ZDHHC15: variants seen among roughly 807,000 people sequenced by gnomAD.
The protein encoded by ZDHHC15 is palmitoyltransferase ZDHHC15.
In ZDHHC15, 19 loss-of-function variants were observed where a neutral mutation model predicts 31.7. That is an observed-to-expected ratio of 0.60 (90% confidence interval 0.42 to 0.88). The LOEUF is 0.88. Ranked by LOEUF, ZDHHC15 falls within the 40% of genes least tolerant of loss-of-function variation. ZDHHC15 has a pLI of 0.00. For missense variants in ZDHHC15, 209 were observed against 251.2 expected (o/e 0.83, Z 1.14); for synonymous variants, 103 against 90.0 (o/e 1.14, Z -0.82).
intron 2 of ZDHHC15, among the ~76,000 whole-genome samples, chrX:75,479,691 T>C (rs1462689299): frequency 9.0e-6 from 1 of 111,335 alleles, no homozygotes; most frequent in Non-Finnish European, 1.9e-5. Context: ...GTCTCTATTA[T>C]CTATCATTCC....
rs1331235171 is a variant in ZDHHC15 at position 75,372,912 on chromosome X, C to A, written c.*66G>T. 2 of 111,911 alleles carry A rather than the reference C, an allele frequency of 1.8e-5. No homozygotes were observed. Among genetic ancestry groups the A allele is most frequent in the Non-Finnish European group, 3.8e-5 (2 of 53,153 alleles). 9.2% of individuals were successfully genotyped at this position (111,911 alleles called of 1,213,427 possible). The stretch of plus-strand genomic sequence containing the variant: ...TTACAATGATTTCCAACATTGAACT[C>A]TGTAAGCCTCATGGGAGGCAGAGAT... On this transcript the variant is annotated 3_prime_UTR_variant, in exon 12 of 12. Coordinates refer to ENST00000373367, the MANE Select transcript of ZDHHC15 (RefSeq NM_144969.3).
rs560774332 is a variant in ZDHHC15, at chrX:75,461,888, C to A, written c.259-10966G>T. Among the ~76,000 whole-genome samples, 9 of 111,825 alleles carry A rather than the reference C, an allele frequency of 8.0e-5. No homozygotes were observed. In the South Asian group the frequency reaches 3.4e-3, roughly 42 times the overall value. ...CCACATAAACAAGTCTGCAAAATAG[C>A]CAGCTAGCATCATGATGACAGGATC... On this transcript the variant is annotated intron_variant, in intron 3 of 11. Transcript: ENST00000373367.
At chrX:75,424,383 G>A (rs1473710835) in intron 8 of ZDHHC15, among the ~76,000 whole-genome samples, 2 of 111,336 alleles carry the variant, frequency 1.8e-5, no homozygotes, top group East Asian at 5.6e-4. Context: ...AACCTTGGGA[G>A]CTATTACCCA....
chrX:75,408,310 A>T (rs1381476302), intron 10 of ZDHHC15, among the ~76,000 whole-genome samples: 1 of 112,074 alleles, frequency 8.9e-6, no homozygotes. Context: ...ACACAAATCA[A>T]TAAATTTGAT....
chrX:75,430,032 A>G, intron 5 of ZDHHC15, 52 bp from the exon 6 acceptor site: 1 of 1,139,415 alleles, frequency 8.8e-7, no homozygotes, highest in Non-Finnish European at 1.2e-6. Context: ...GAAATGAAGC[A>G]ACATCTCATA....
At chrX:75,478,451 C>G (rs773876535) in intron 3 of ZDHHC15, among the ~76,000 whole-genome samples, 4 of 111,375 alleles carry the variant, frequency 3.6e-5, no homozygotes, top group Non-Finnish European at 7.5e-5. Flanking sequence ...GGCACCATCA[C>G]AGGTCACCGC....
chrX:75,382,190 AC>A (rs1042881371), intron 10 of ZDHHC15, among the ~76,000 whole-genome samples: 1 of 111,910 alleles, frequency 8.9e-6, no homozygotes, highest in Non-Finnish European at 1.9e-5. Context: ...CCATTTATTT[AC>A]CTCTATGTCC....
At chrX:75,462,252 C>A (rs1345707240) in intron 3 of ZDHHC15, among the ~76,000 whole-genome samples, 1 of 112,253 alleles carries the variant, frequency 8.9e-6, no homozygotes. Context: ...GCACCAAATT[C>A]AGGAGCACCC....
chrX:75,379,236 G>T lies in ZDHHC15; in HGVS notation c.968-38C>A, dbSNP rs369816894. 5 of 1,197,965 alleles carry T rather than the reference G, an allele frequency of 4.2e-6. No homozygotes were observed. The East Asian group carries it at 1.5e-4, about 36-fold the overall frequency. On this transcript the variant is annotated intron_variant, in intron 10 of 11. Coordinates refer to ENST00000373367, the MANE Select transcript of ZDHHC15 (RefSeq NM_144969.3). ...AACGTGAAGATGATCAAATGTCCCCGTGCCTTATATGGGTGGGTATTCATT... is the reference window on the plus strand; with the variant it reads ...AACGTGAAGATGATCAAATGTCCCCTTGCCTTATATGGGTGGGTATTCATT...
intron 10 of ZDHHC15, among the ~76,000 whole-genome samples, chrX:75,405,416 T>C (rs2083401109): frequency 9.0e-6 from 1 of 111,492 alleles, no homozygotes; most frequent in Admixed American, 9.6e-5. Flanking sequence ...CCTAACTATG[T>C]TGCCTACAAG....
intron 1 of ZDHHC15, among the ~76,000 whole-genome samples, chrX:75,510,680 C>T (rs1320710752): frequency 5.8e-5 from 5 of 85,753 alleles, no homozygotes; most frequent in Non-Finnish European, 8.9e-5. Flanking sequence ...CACCCACTAA[C>T]GTGTCATCTA....
intron 2 of ZDHHC15, among the ~76,000 whole-genome samples, chrX:75,482,966 T>C (rs1409862751): frequency 1.9e-5 from 2 of 107,000 alleles, no homozygotes; most frequent in Non-Finnish European, 3.8e-5. Flanking sequence ...TAAGTGTATA[T>C]ATATGATCAC....
chrX:75,422,940 T>A (rs1382597415), intron 8 of ZDHHC15, among the ~76,000 whole-genome samples: 1 of 94,401 alleles, frequency 1.1e-5, no homozygotes, highest in African/African-American at 3.9e-5. Flanking sequence ...TATCTCCCAA[T>A]GCTATCCCTC....
chrX:75,518,769 G>GTATATATGTATATATATATATATA, intron 1 of ZDHHC15, among the ~76,000 whole-genome samples: 1 of 32,582 alleles, frequency 3.1e-5, no homozygotes, highest in African/African-American at 1.8e-4. Flanking sequence ...TAACAAACTG[G>GTATATATGTATATATATATATATA]TATATATATA....
intron 8 of ZDHHC15, among the ~76,000 whole-genome samples, chrX:75,423,209 A>T: frequency 9.3e-6 from 1 of 107,705 alleles, no homozygotes; most frequent in Middle Eastern, 4.8e-3. Flanking sequence ...AAATATTTTA[A>T]CTATTATTTT....
At chrX:75,463,575 TACAACA>T (rs55847003) in intron 3 of ZDHHC15, among the ~76,000 whole-genome samples, 1 of 100,700 alleles carries the variant, frequency 9.9e-6, no homozygotes, top group Non-Finnish European at 2.0e-5. Flanking sequence ...AACTCAAATT[TACAACA>T]ACAACAACAA....
intron 4 of ZDHHC15, among the ~76,000 whole-genome samples, chrX:75,439,229 T>G (rs138848911): frequency 0.013 from 1,486 of 111,706 alleles, 18 homozygotes; most frequent in Middle Eastern, 0.032. Flanking sequence ...TTTTCCTCGG[T>G]TTTTCCCCCA....
At chrX:75,495,787 G>T (rs770290079) in intron 2 of ZDHHC15, among the ~76,000 whole-genome samples, 217 of 82,424 alleles carry the variant, frequency 2.6e-3, no homozygotes, top group African/African-American at 9.1e-3. Context: ...GTTGTACGGT[G>T]GGGGGAGGGG....
intron 2 of ZDHHC15, among the ~76,000 whole-genome samples, chrX:75,480,430 T>C (rs2084671339): frequency 9.0e-6 from 1 of 111,213 alleles, no homozygotes; most frequent in African/African-American, 3.3e-5. Flanking sequence ...ATTTGTAATA[T>C]TTTAACATTT....
Sources: gnomAD v4.1 joint callset for allele counts (sites outside exome capture counted in the v4.1 genomes callset) on GRCh38, gnomAD v4.1.1 for gene constraint, MANE v1.5 for transcripts, NCBI Gene and HGNC (gene_info 2026-07-23, HGNC 2026-07-21) for gene names.